Variants in EAPP observed in about 807,000 individuals in gnomAD.
EAPP encodes the protein E2F-associated phosphoprotein.
In EAPP, 38 loss-of-function variants were observed where a neutral mutation model predicts 34.3. The ratio of observed to expected loss-of-function variants is 1.11; its 90% CI spans 0.85 to 1.45. The LOEUF is 1.45. EAPP is among the 40% of genes most tolerant of loss of function. EAPP has a pLI of 0.00. For missense variants in EAPP, 338 were observed against 343.7 expected, an observed-to-expected ratio of 0.98 and a Z score of 0.13; for synonymous variants, 113 against 117.6, an observed-to-expected ratio of 0.96 and a Z score of 0.25.
chr14:34,538,862 T>C (rs1880562381), intron 1 of EAPP, among the ~76,000 whole-genome samples: 1 of 152,230 alleles, frequency 6.6e-6, no homozygotes, highest in African/African-American at 2.4e-5. Flanking sequence ...CAAGTTTCCC[T>C]GGTAGAATAA....
In EAPP at chr14:34,539,665, T is replaced by C. The variant is rs1027853673; in HGVS notation, c.-37A>G. Reference sequence around the variant, plus strand: ...GCGGCCTACACCGTCCACAAGCAATTTGCAGCGTCTCTGTTTACACTGCAA... The same window carrying C: ...GCGGCCTACACCGTCCACAAGCAATCTGCAGCGTCTCTGTTTACACTGCAA... On this transcript the variant is annotated 5_prime_UTR_variant, in exon 1 of 6. Transcript: ENST00000250454. 2.0e-6 allele frequency: 3 copies of C among 1,510,692 alleles called. No individual in the cohort carries two copies. The highest frequency in any genetic ancestry group is 2.7e-6 in the Non-Finnish European group (3 of 1,131,348). The allele number at this position is 1,510,692 out of a possible 1,614,324, so 93.6% of individuals were successfully genotyped here.
chr14:34,528,359 A>T (rs1275772597), intron 4 of EAPP, among the ~76,000 whole-genome samples: 1 of 150,478 alleles, frequency 6.6e-6, no homozygotes, highest in Admixed American at 6.6e-5. Context: ...TAAAAATCAA[A>T]TTTGTAAGTA....
chr14:34,519,033 T>C (rs1403178733), intron 5 of EAPP, among the ~76,000 whole-genome samples: 1 of 152,154 alleles, frequency 6.6e-6, no homozygotes, highest in Non-Finnish European at 1.5e-5. Context: ...CCCAATCTCA[T>C]GTCAAATTGT....
chr14:34,536,010 G>T, intron 2 of EAPP, 84 bp downstream of exon 2: 1 of 947,572 alleles, frequency 1.1e-6, no homozygotes, highest in South Asian at 1.6e-5. Context: ...TACTGAAAGT[G>T]CTGGGAACAT....
rs747507808 is a variant in EAPP, at chr14:34,524,770, G to A, written c.508C>T (p.Gln170Ter). Residue 170 changes from glutamine (Q) to a stop codon, truncating the protein, a stop_gained, in exon 5 of 6, where the codon CAG (glutamine) becomes TAG (stop). Coordinates refer to ENST00000250454, the MANE Select transcript of EAPP (RefSeq NM_018453.4). LOFTEE classifies it high-confidence loss of function. ...GLGPQRSRQQQPVPNSDAVLN... is the reference protein window; with the variant it reads ...GLGPQRSRQQ Reference sequence around the variant, plus strand: ...ACAGCATCACTATTTGGAACAGGCTGTTGTTGACGTGATCTCTGTGGTCCC... The same window carrying A: ...ACAGCATCACTATTTGGAACAGGCTATTGTTGACGTGATCTCTGTGGTCCC... 40 of 1,613,402 alleles carry A rather than the reference G, an allele frequency of 2.5e-5. No individual in the cohort carries two copies. The highest frequency in any genetic ancestry group is 3.3e-5 in the Non-Finnish European group (39 of 1,179,892).
rs1290999954 is a variant in EAPP at position 34,536,151 on chromosome 14, C to T, written c.199G>A (p.Ala67Thr). 1 of 1,612,812 alleles carries T rather than the reference C, an allele frequency of 6.2e-7. No homozygotes were observed. Among genetic ancestry groups the T allele is most frequent in the Non-Finnish European group, 8.5e-7 (1 of 1,179,610 alleles). ...GTTTTCATGGTAGAATTTAATTCAGCTTCCATCTCCTTTTCAAATTCATCT... is the reference window on the plus strand; with the variant it reads ...GTTTTCATGGTAGAATTTAATTCAGTTTCCATCTCCTTTTCAAATTCATCT... ...SEDEFEKEME[A>T]ELNSTMKTME... The change falls in exon 2 of 6, where the codon GCT (alanine) becomes ACT (threonine). Residue 67 changes from alanine (A) to threonine (T), a missense_variant. Physicochemically the swap from Ala to Thr is moderately conservative, Grantham distance 58 (BLOSUM62 0). Coordinates refer to ENST00000250454, the MANE Select transcript of EAPP (RefSeq NM_018453.4).
At chr14:34,538,244 T>C (rs928504237) in intron 1 of EAPP, among the ~76,000 whole-genome samples, 1 of 152,100 alleles carries the variant, frequency 6.6e-6, no homozygotes, top group African/African-American at 2.4e-5. Flanking sequence ...CCAGGTGTGG[T>C]AGCGCATGCC....
At chr14:34,537,766 C>G (rs1188129475) in intron 1 of EAPP, among the ~76,000 whole-genome samples, 1 of 152,190 alleles carries the variant, frequency 6.6e-6, no homozygotes, top group Non-Finnish European at 1.5e-5. Context: ...CAAGCAAGAG[C>G]AAGCCACACA....
Position 34,529,463 on chromosome 14 carries a change from T to G in EAPP, c.365A>C (p.Lys122Thr). The G allele has an allele frequency of 1.2e-6, 2 of 1,609,746 alleles. No homozygotes were observed. Among genetic ancestry groups the G allele is most frequent in the Non-Finnish European group, 1.7e-6 (2 of 1,178,020 alleles). Residue 122 changes from lysine to threonine, a missense_variant, in exon 4 of 6, where the codon AAG (lysine) becomes ACG (threonine). By Grantham distance (78) the Lys-to-Thr change is moderately conservative (BLOSUM62 -1). Coordinates refer to ENST00000250454, the MANE Select transcript of EAPP (RefSeq NM_018453.4). The part of the protein sequence containing the change: ...EDEDRAVQVT[K>T]KKKKKQHKIP... ...CTTGTGTTGTTTCTTCTTTTTTTTC[T>G]TGGTCACCTGTACTAATTTTGAAAA...
At chr14:34,523,119 T>C (rs1418809934) in intron 5 of EAPP, among the ~76,000 whole-genome samples, 2 of 152,154 alleles carry the variant, frequency 1.3e-5, no homozygotes, top group East Asian at 3.9e-4. Context: ...CTCCTCCTTA[T>C]ATTGAGATCT....
At position 34,516,565 on chromosome 14, in the gene EAPP, T is replaced by C. The variant is rs765907848; in HGVS notation, c.603A>G (p.Gln201=). The C allele has an allele frequency of 4.8e-5, 78 of 1,613,042 alleles. No homozygotes were observed. Among genetic ancestry groups the C allele is most frequent in the Non-Finnish European group, 6.3e-5 (74 of 1,179,710 alleles). ...DCQRHESYKT[Q]YRAMFVMNCS... ...AATTCATTACAAACATTGCTCTATATTGAGTTTTGTATGATTCATGCCTAA... is the reference window on the plus strand; with the variant it reads ...AATTCATTACAAACATTGCTCTATACTGAGTTTTGTATGATTCATGCCTAA... The change falls in exon 6 of 6, where the codon CAA becomes CAG. Residue 201 remains glutamine (Q), a synonymous_variant. Transcript: ENST00000250454.
intron 5 of EAPP, among the ~76,000 whole-genome samples, 191 bp downstream of exon 5, chr14:34,524,506 C>T (rs746182413): frequency 4.6e-5 from 7 of 151,790 alleles, no homozygotes; most frequent in Non-Finnish European, 8.8e-5. Context: ...ATCCCAGCTA[C>T]CTGGGAGGCT....
chr14:34,539,260 C>T (rs1012627204), intron 1 of EAPP: 2 of 590,798 alleles, frequency 3.4e-6, no homozygotes, highest in African/African-American at 3.7e-5. Context: ...ACTTGCCTTC[C>T]GTCACTCTGC....
intron 2 of EAPP, 79 bp downstream of exon 2, chr14:34,536,015 G>A: frequency 2.0e-6 from 2 of 1,012,592 alleles, no homozygotes; most frequent in East Asian, 2.6e-5. Flanking sequence ...AAAGTGCTGG[G>A]AACATAGAAG....
At chr14:34,539,429 G>C in intron 1 of EAPP, 126 bp downstream of exon 1, 1 of 1,073,930 alleles carries the variant, frequency 9.3e-7, no homozygotes, top group South Asian at 1.3e-5. Context: ...CTTCGCACAA[G>C]TAACAGGCAC....
chr14:34,524,454 A>G (rs1880025992), intron 5 of EAPP, among the ~76,000 whole-genome samples: 2 of 151,944 alleles, frequency 1.3e-5, no homozygotes, highest in Admixed American at 6.6e-5. Flanking sequence ...CTAGATCTAG[A>G]TACACACAAA....
In EAPP at chr14:34,517,240, T is replaced by C. The variant is rs1361775122; in HGVS notation, c.582-654A>G. 2.8e-5 allele frequency among the ~76,000 whole-genome samples: 4 copies of C among 145,282 alleles called. No homozygotes were observed. The East Asian group carries it at 8.2e-4, about 30-fold the overall frequency. The stretch of plus-strand genomic sequence containing the variant: ...GGCGTGAGCCACCGCACCCAGACGA[T>C]TCTATTTCTTTTTTTTTTTTTTTTT... On this transcript the variant is annotated intron_variant, in intron 5 of 5. Transcript: ENST00000250454.
chr14:34,528,370 G>A (rs181729491), intron 4 of EAPP, among the ~76,000 whole-genome samples: 92 of 135,364 alleles, frequency 6.8e-4, no homozygotes, highest in African/African-American at 2.0e-3. Context: ...TTTGTAAGTA[G>A]TTAAAAAGAA....
At chr14:34,539,183 T>C (rs1392565610) in intron 1 of EAPP, 9 of 401,332 alleles carry the variant, frequency 2.2e-5, no homozygotes, top group Non-Finnish European at 4.3e-5. Flanking sequence ...TGTTATACTA[T>C]GTTATATAGG....
Sources: allele counts gnomAD v4.1 joint callset (sites outside exome capture counted in the v4.1 genomes callset), GRCh38; gene constraint gnomAD v4.1.1; transcripts MANE v1.5; gene names NCBI Gene and HGNC (gene_info 2026-07-23, HGNC 2026-07-21).